Variants in SPATA18 observed in about 807,000 individuals in gnomAD.
The protein encoded by SPATA18 is mitochondria-eating protein.
A neutral mutation model predicts 68.1 loss-of-function variants in SPATA18; 54 were observed. That is an observed-to-expected ratio of 0.79 (90% CI 0.64 to 0.99). SPATA18 has a LOEUF of 0.99. SPATA18 is among the 50% of genes least tolerant of loss of function. The pLI, the probability that SPATA18 is intolerant of heterozygous loss-of-function variation, is 0.00. For missense variants in SPATA18, 724 were observed against 681.1 expected (o/e 1.06, Z -0.70); for synonymous variants, 242 against 244.8 (o/e 0.99, Z 0.11).
At position 52,051,648 on chromosome 4, in the gene SPATA18, C is replaced by T. The variant is rs1737878146; in HGVS notation, c.-57C>T. The T allele has an allele frequency of 1.9e-6, 3 of 1,556,076 alleles. No homozygotes were observed. Among genetic ancestry groups the T allele is most frequent in the African/African-American group, 2.7e-5 (2 of 73,734 alleles). ...CACCCCACGGTCCTGCGGAGGCCAC[C>T]GCCTGGTCCCCCCAAGTCTCCATCG... On this transcript the variant is annotated 5_prime_UTR_variant, in exon 1 of 13. Coordinates refer to ENST00000295213, the MANE Select transcript of SPATA18 (RefSeq NM_145263.4).
chr4:52,093,928 G>T (rs544056432), intron 11 of SPATA18, among the ~76,000 whole-genome samples: 1 of 152,252 alleles, frequency 6.6e-6, no homozygotes, highest in South Asian at 2.1e-4. Flanking sequence ...AAATATTTTT[G>T]GTTAGTTGGG....
At chr4:52,054,998 C>T (rs532781041) in intron 1 of SPATA18, among the ~76,000 whole-genome samples, 2 of 151,748 alleles carry the variant, frequency 1.3e-5, no homozygotes, top group South Asian at 4.2e-4. Context: ...TTATATTAGT[C>T]TTAAGATCTC....
At chr4:52,064,010 A>G (rs998510785) in intron 4 of SPATA18, among the ~76,000 whole-genome samples, 2 of 152,080 alleles carry the variant, frequency 1.3e-5, no homozygotes, top group African/African-American at 4.8e-5. Flanking sequence ...CACTGTTGTT[A>G]CCTATAAGGG....
intron 10 of SPATA18, chr4:52,083,537 G>A (rs1226164153): frequency 1.1e-6 from 1 of 946,316 alleles, no homozygotes; most frequent in Non-Finnish European, 1.3e-6. Context: ...ATTGTTTGAG[G>A]AGTTTGAGAT....
chr4:52,075,261 G>A (rs1006081433), intron 6 of SPATA18, among the ~76,000 whole-genome samples: 10 of 152,098 alleles, frequency 6.6e-5, no homozygotes, highest in Admixed American at 1.3e-4. Flanking sequence ...TGACAGGCCC[G>A]TGTTCTGTTA....
At chr4:52,070,532 T>C (rs997989304) in intron 5 of SPATA18, among the ~76,000 whole-genome samples, 59 of 96,780 alleles carry the variant, frequency 6.1e-4, no homozygotes, top group African/African-American at 3.8e-4. Flanking sequence ...TGGGGACTGT[T>C]GTGGGGTAGG....
In SPATA18 at chr4:52,060,810, C is replaced by G. The variant is rs1343594071; in HGVS notation, c.222C>G (p.Ile74Met). The change falls in exon 3 of 13, where the codon ATC becomes ATG. Residue 74 changes from isoleucine to methionine, a missense_variant. By Grantham distance (10) the Ile-to-Met change is conservative. Coordinates refer to ENST00000295213, the MANE Select transcript of SPATA18 (RefSeq NM_145263.4). Reference sequence around the variant, plus strand: ...GACGTAATGATGGTGTGGAAACAATCAAGTCACGCCTTTTGCCTTGGCTGG... The same window carrying G: ...GACGTAATGATGGTGTGGAAACAATGAAGTCACGCCTTTTGCCTTGGCTGG... ...EGGRNDGVET[I>M]KSRLLPWLEA... 6.2e-7 allele frequency: 1 copy of G among 1,614,068 alleles called. No individual in the cohort carries two copies. Among genetic ancestry groups the G allele is most frequent in the South Asian group, 1.1e-5 (1 of 91,068 alleles).
At chr4:52,072,991 C>T (rs1392393805) in intron 6 of SPATA18, among the ~76,000 whole-genome samples, 1 of 152,168 alleles carries the variant, frequency 6.6e-6, no homozygotes, top group Admixed American at 6.5e-5. Flanking sequence ...GTAGGTGTTT[C>T]TCTGGAGTCT....
At chr4:52,092,542 C>T (rs959468843) in intron 11 of SPATA18, among the ~76,000 whole-genome samples, 1 of 152,236 alleles carries the variant, frequency 6.6e-6, no homozygotes, top group East Asian at 1.9e-4. Context: ...GCTACACCCT[C>T]TGTCCAACCA....
In SPATA18 at chr4:52,097,227, A is replaced by ATAAT. The variant is rs1438787439; in HGVS notation, c.*2341_*2344dup. The ATAAT allele has an allele frequency of 6.6e-6, 1 of 152,196 alleles. No homozygotes were observed. Among genetic ancestry groups the ATAAT allele is most frequent in the African/African-American group, 2.4e-5 (1 of 41,456 alleles). 9.4% of individuals were successfully genotyped at this position (152,196 alleles called of 1,614,324 possible). A position where few individuals can be genotyped will look rare whatever the true frequency, so the allele number is the denominator to read the frequency against. On this transcript the variant is annotated 3_prime_UTR_variant, in exon 13 of 13. Coordinates refer to ENST00000295213, the MANE Select transcript of SPATA18 (RefSeq NM_145263.4). Reference sequence around the variant, plus strand: ...TTCTAGATTTTCGGCTTAACATCTAATAATAACATTTAAAAAGTGCTTTTG... The same window carrying ATAAT: ...TTCTAGATTTTCGGCTTAACATCTAATAATTAATAACATTTAAAAAGTGCTTTTG...
intron 11 of SPATA18, among the ~76,000 whole-genome samples, chr4:52,092,623 TG>T (rs952827469): frequency 6.6e-6 from 1 of 152,214 alleles, no homozygotes; most frequent in African/African-American, 2.4e-5. Context: ...TTGATCTTGC[TG>T]GGGGCTGCAG....
intron 11 of SPATA18, among the ~76,000 whole-genome samples, chr4:52,087,828 G>A (rs545644792): frequency 3.3e-5 from 5 of 152,260 alleles, no homozygotes; most frequent in African/African-American, 1.2e-4. Flanking sequence ...TAGCTTGATG[G>A]AGATAGCATT....
intron 12 of SPATA18, 130 bp downstream of exon 12, chr4:52,094,702 A>G (rs1034607058): frequency 1.3e-5 from 17 of 1,281,328 alleles, no homozygotes; most frequent in African/African-American, 4.5e-5. Flanking sequence ...CACACCTTTC[A>G]TGTCTGGGCC....
intron 10 of SPATA18, chr4:52,083,065 A>G (rs1741089596): frequency 1.0e-6 from 1 of 973,292 alleles, no homozygotes; most frequent in African/African-American, 1.8e-5. Flanking sequence ...TTTTGAACCT[A>G]CAGAATGTTA....
At chr4:52,062,392 T>A in intron 4 of SPATA18, 60 bp downstream of exon 4, 2 of 1,236,472 alleles carry the variant, frequency 1.6e-6, no homozygotes, top group Non-Finnish European at 1.2e-6. Flanking sequence ...AATTAAGTTT[T>A]AAATTCGAAA....
chr4:52,068,529 A>G (rs1479774805), intron 4 of SPATA18, among the ~76,000 whole-genome samples: 1 of 152,202 alleles, frequency 6.6e-6, no homozygotes, highest in Admixed American at 6.5e-5. Context: ...CCGAGTGGGC[A>G]TTTATTAGAG....
chr4:52,060,804 A>G lies in SPATA18; in HGVS notation c.216A>G (p.Glu72=), dbSNP rs1363558778. ...TAGGAGGACGTAATGATGGTGTGGA[A>G]ACAATCAAGTCACGCCTTTTGCCTT... is the stretch of plus-strand genomic sequence containing the variant. ...AQEGGRNDGV[E]TIKSRLLPWL... The change falls in exon 3 of 13, where the codon GAA becomes GAG. Residue 72 remains glutamate, a synonymous_variant. Transcript: ENST00000295213. The G allele has an allele frequency of 6.2e-7, 1 of 1,613,890 alleles. No homozygotes were observed. Among genetic ancestry groups the G allele is most frequent in the Non-Finnish European group, 8.5e-7 (1 of 1,179,938 alleles).
At chr4:52,091,185 G>C (rs958718260) in intron 11 of SPATA18, among the ~76,000 whole-genome samples, 1 of 151,814 alleles carries the variant, frequency 6.6e-6, no homozygotes, top group African/African-American at 2.4e-5. Context: ...TTAGCAATTC[G>C]ACTAACCTTT....
chr4:52,061,028 G>T, intron 3 of SPATA18, 131 bp downstream of exon 3: 1 of 706,500 alleles, frequency 1.4e-6, no homozygotes, highest in Non-Finnish European at 2.4e-6. Context: ...GGATATTGGT[G>T]GTTTCCATGG....
Sources: gnomAD v4.1 joint callset for allele counts (sites outside exome capture counted in the v4.1 genomes callset) on GRCh38, gnomAD v4.1.1 for gene constraint, MANE v1.5 for transcripts, NCBI Gene and HGNC (gene_info 2026-07-23, HGNC 2026-07-21) for gene names.